SRBD1: variants seen among roughly 807,000 people sequenced by gnomAD.
The protein encoded by SRBD1 is S1 RNA-binding domain-containing protein 1.
A neutral mutation model predicts 115.3 loss-of-function variants in SRBD1; 88 were observed. The ratio of observed to expected loss-of-function variants is 0.76; its 90% confidence interval spans 0.64 to 0.91. SRBD1 has a LOEUF of 0.91. Ranked by LOEUF, SRBD1 falls within the 40% of genes least tolerant of loss-of-function variation. The probability of loss-of-function intolerance (pLI) is 0.00; values close to 1 mark genes in which losing one functional copy is unlikely to be tolerated. For missense variants in SRBD1, 1,385 were observed against 1,177.4 expected, an observed-to-expected ratio of 1.18 and a Z score of -2.58; for synonymous variants, 509 against 407.7, an observed-to-expected ratio of 1.25 and a Z score of -2.99.
intron 16 of SRBD1, among the ~76,000 whole-genome samples, chr2:45,464,835 A>G (rs1053824577): frequency 1.3e-5 from 2 of 152,178 alleles, no homozygotes; most frequent in East Asian, 1.9e-4. Context: ...ACAAAAGTAT[A>G]AAAAGTAAGT....
intron 16 of SRBD1, among the ~76,000 whole-genome samples, chr2:45,455,540 A>G (rs542258675): frequency 6.6e-6 from 1 of 151,938 alleles, no homozygotes; most frequent in African/African-American, 2.4e-5. Context: ...ATTTTGTCTG[A>G]TGATGATAAA....
chr2:45,510,372 G>A (rs1386748961), intron 14 of SRBD1, among the ~76,000 whole-genome samples: 2 of 152,260 alleles, frequency 1.3e-5, no homozygotes, highest in South Asian at 4.1e-4. Flanking sequence ...GGATAAAGGA[G>A]CATACAATTC....
intron 14 of SRBD1, among the ~76,000 whole-genome samples, chr2:45,492,904 A>C (rs904211554): frequency 1.3e-5 from 2 of 152,260 alleles, no homozygotes; most frequent in Non-Finnish European, 2.9e-5. Context: ...TGTTAACAGA[A>C]GAACTTAATT....
chr2:45,551,491 T>A (rs1006500471), intron 11 of SRBD1, among the ~76,000 whole-genome samples: 1 of 152,210 alleles, frequency 6.6e-6, no homozygotes, highest in Non-Finnish European at 1.5e-5. Context: ...GCAAGTCTTG[T>A]AAGTTTATCA....
intron 4 of SRBD1, among the ~76,000 whole-genome samples, chr2:45,593,507 C>T (rs1673789561): frequency 1.3e-5 from 2 of 152,170 alleles, no homozygotes; most frequent in Non-Finnish European, 2.9e-5. Context: ...CAAGAAAATG[C>T]TTTTTCCCAA....
At chr2:45,530,115 A>G (rs1352148267) in intron 14 of SRBD1, among the ~76,000 whole-genome samples, 1 of 152,020 alleles carries the variant, frequency 6.6e-6, no homozygotes, top group Non-Finnish European at 1.5e-5. Context: ...ATTATGTTGA[A>G]AGGAAAAAGA....
chr2:45,546,691 C>T (rs775240071), intron 14 of SRBD1, 41 bp downstream of exon 14: 6 of 1,591,270 alleles, frequency 3.8e-6, no homozygotes, highest in East Asian at 2.2e-5. Context: ...TTTAAAGTTC[C>T]CATGCTTCTC....
chr2:45,526,909 C>G (rs1280989488), intron 14 of SRBD1, among the ~76,000 whole-genome samples: 1 of 151,664 alleles, frequency 6.6e-6, no homozygotes, highest in Non-Finnish European at 1.5e-5. Context: ...GAGGGGAAGA[C>G]AAGAGATGTG....
intron 8 of SRBD1, 40 bp downstream of exon 8, chr2:45,574,587 G>T: frequency 6.4e-7 from 1 of 1,570,402 alleles, no homozygotes; most frequent in South Asian, 1.1e-5. Context: ...TTAACAGCAT[G>T]AGTCCATAAA....
chr2:45,518,885 T>A (rs1173145050), intron 14 of SRBD1, among the ~76,000 whole-genome samples: 2 of 151,554 alleles, frequency 1.3e-5, no homozygotes, highest in Non-Finnish European at 2.9e-5. Flanking sequence ...GTAAAAAAAA[T>A]TATTTAAATC....
intron 16 of SRBD1, among the ~76,000 whole-genome samples, chr2:45,427,162 C>G (rs1209131173): frequency 1.6e-4 from 24 of 152,032 alleles, no homozygotes; most frequent in Admixed American, 1.6e-3. Context: ...CAATCCTAGT[C>G]TCTAACCAGT....
intron 19 of SRBD1, among the ~76,000 whole-genome samples, chr2:45,400,556 TC>T (rs775754510): frequency 2.6e-5 from 4 of 151,948 alleles, no homozygotes; most frequent in Non-Finnish European, 5.9e-5. Flanking sequence ...TCAAATTACA[TC>T]CAGATCACAT....
intron 4 of SRBD1, among the ~76,000 whole-genome samples, chr2:45,590,162 A>G (rs1423434208): frequency 7.2e-5 from 11 of 152,272 alleles, no homozygotes; most frequent in Admixed American, 7.2e-4. Context: ...TGCCTTTGCA[A>G]AAATCATAAC....
At chr2:45,567,510 G>C (rs995366930) in intron 9 of SRBD1, among the ~76,000 whole-genome samples, 5 of 152,018 alleles carry the variant, frequency 3.3e-5, no homozygotes, top group African/African-American at 9.7e-5. Flanking sequence ...TCAGGAGGCT[G>C]AAGTGGGAGA....
intron 1 of SRBD1, among the ~76,000 whole-genome samples, chr2:45,605,817 T>C (rs1430954131): frequency 2.7e-5 from 4 of 149,628 alleles, no homozygotes; most frequent in African/African-American, 9.9e-5. Context: ...GGCAGAAGAA[T>C]CACTTGAACC....
chr2:45,562,212 T>C (rs568439671), intron 10 of SRBD1, among the ~76,000 whole-genome samples: 12 of 152,234 alleles, frequency 7.9e-5, no homozygotes, highest in Middle Eastern at 3.4e-3. Context: ...TTGTCTGTTA[T>C]TGGTGGGTTT....
At chr2:45,543,626 G>C (rs1416186614) in intron 14 of SRBD1, among the ~76,000 whole-genome samples, 1 of 147,544 alleles carries the variant, frequency 6.8e-6, no homozygotes, top group Non-Finnish European at 1.5e-5. Context: ...AGAAAACATG[G>C]TTTTCTCAAA....
intron 1 of SRBD1, among the ~76,000 whole-genome samples, chr2:45,607,962 T>C (rs530517871): frequency 6.6e-6 from 1 of 152,176 alleles, no homozygotes; most frequent in Non-Finnish European, 1.5e-5. Flanking sequence ...GAGTAAAAAC[T>C]TGAAGGTGCT....
chr2:45,540,340 T>TAAAAAAAAAAAAAAAAAAAAA (rs755106184), intron 14 of SRBD1, among the ~76,000 whole-genome samples: 1 of 130,116 alleles, frequency 7.7e-6, no homozygotes, highest in Non-Finnish European at 1.7e-5. Context: ...GAGTCCATCT[T>TAAAAAAAAAAAAAAAAAAAAA]AAAAAAAAAA....
Sources: allele counts gnomAD v4.1 joint callset (sites outside exome capture counted in the v4.1 genomes callset), GRCh38; gene constraint gnomAD v4.1.1; transcripts MANE v1.5; gene names NCBI Gene and HGNC (gene_info 2026-07-23, HGNC 2026-07-21).